The following EPHB1 variants were observed in gnomAD, a reference collection of about 807,000 sequenced individuals.
EPHB1 encodes EPH receptor B1.
Under a neutral mutation model 94.4 loss-of-function variants are expected in EPHB1, and 30 were observed. That is an observed-to-expected ratio of 0.32 (90% confidence interval 0.24 to 0.43). The LOEUF is 0.43. EPHB1 is among the 20% of genes least tolerant of loss of function. The pLI is 1.00. For missense variants in EPHB1, 1,055 were observed against 1,308.3 expected, an observed-to-expected ratio of 0.81 and a Z score of 2.99; for synonymous variants, 522 against 489.1, an observed-to-expected ratio of 1.07 and a Z score of -0.89.
Position 135,255,456 on chromosome 3 carries a change from G to C in EPHB1, c.2847-3556G>C, listed in dbSNP as rs576921559. Among the ~76,000 whole-genome samples the C allele has an allele frequency of 3.5e-5, 5 of 141,624 alleles. No homozygotes were observed. The South Asian group carries it at 1.2e-3, about 35-fold the overall frequency. The allele number at this position is 141,624 out of a possible 152,430, so 92.9% of individuals were successfully genotyped here. Reference sequence around the variant, plus strand: ...GGTTTCAAAGAACATCTTTATTTCTGCCTACATTTCGTTATGTACCCAGTA... The same window carrying C: ...GGTTTCAAAGAACATCTTTATTTCTCCCTACATTTCGTTATGTACCCAGTA... On this transcript the variant is annotated intron_variant, in intron 15 of 15. Transcript: ENST00000398015.
At chr3:135,039,197 T>C (rs1329095722) in intron 3 of EPHB1, among the ~76,000 whole-genome samples, 1 of 150,138 alleles carries the variant, frequency 6.7e-6, no homozygotes, top group African/African-American at 2.5e-5. Flanking sequence ...GAGCTAGACA[T>C]AAAGGTTCTC....
chr3:135,084,293 A>T (rs747064096), intron 3 of EPHB1, among the ~76,000 whole-genome samples: 3 of 152,086 alleles, frequency 2.0e-5, no homozygotes. Flanking sequence ...TCTCCACCTT[A>T]CTTCTGACAT....
intron 1 of EPHB1, among the ~76,000 whole-genome samples, chr3:134,851,756 A>G (rs2280155): frequency 0.55 from 83,284 of 152,118 alleles, 25,625 homozygotes; most frequent in East Asian, 0.8. Context: ...TAGCTATTAA[A>G]TACTCTTTGT....
chr3:135,126,977 A>T (rs1940233551), intron 4 of EPHB1, among the ~76,000 whole-genome samples: 1 of 152,210 alleles, frequency 6.6e-6, no homozygotes, highest in Admixed American at 6.5e-5. Context: ...TAATGACAAT[A>T]CAAATACTAC....
At chr3:135,248,601 TTTTAAAGAGTATC>T (rs1334158325) in intron 14 of EPHB1, 92 bp downstream of exon 14, 1 of 1,329,786 alleles carries the variant, frequency 7.5e-7, no homozygotes, top group African/African-American at 1.5e-5. Flanking sequence ...TGTTCGAATT[TTTTAAAGAGTATC>T]TAGTTGCAGT....
rs1553729687 is a variant in EPHB1 at position 135,076,261 on chromosome 3, A to ATATATATATATATATATG, written c.806-30187_806-30186insTATATATATATATATATG. Among the ~76,000 whole-genome samples, 475 of 112,442 alleles carry ATATATATATATATATATG rather than the reference A, an allele frequency of 4.2e-3. 7 individuals are homozygous for ATATATATATATATATATG. The highest frequency in any genetic ancestry group is 0.017 in the South Asian group (61 of 3,584). 73.8% of individuals were successfully genotyped at this position (112,442 alleles called of 152,430 possible). On this transcript the variant is annotated intron_variant, in intron 3 of 15. Transcript: ENST00000398015. ...TATATATATATATATATATATATAT[A>ATATATATATATATATATG]ACTCTTAAATGCATTAGTAAAAAGT...
At chr3:135,035,850 A>G (rs1266514793) in intron 3 of EPHB1, among the ~76,000 whole-genome samples, 1 of 152,212 alleles carries the variant, frequency 6.6e-6, no homozygotes, top group Non-Finnish European at 1.5e-5. Flanking sequence ...ACATGCCAGC[A>G]CTGCTATACC....
chr3:135,161,140 C>T (rs1941493248), intron 6 of EPHB1, among the ~76,000 whole-genome samples: 1 of 152,132 alleles, frequency 6.6e-6, no homozygotes, highest in South Asian at 2.1e-4. Context: ...GAGAAAAAGT[C>T]ACCTTTTAAG....
At position 135,241,319 on chromosome 3, in the gene EPHB1, T is replaced by C. The variant is rs777492615; in HGVS notation, c.2496+22T>C. ...AGATGTGAGTGTCAGCAGCACTTGG[T>C]CACCACAAACCCCCATTGAAGGGAT... On this transcript the variant is annotated intron_variant, in intron 13 of 15. Coordinates refer to ENST00000398015, the MANE Select transcript of EPHB1 (RefSeq NM_004441.5). The C allele has an allele frequency of 1.2e-5, 19 of 1,613,860 alleles. 2 individuals are homozygous for C. In the South Asian group the frequency reaches 2.1e-4, roughly 18 times the overall value.
chr3:134,910,835 G>C (rs895840922), intron 1 of EPHB1, among the ~76,000 whole-genome samples: 1 of 152,164 alleles, frequency 6.6e-6, no homozygotes, highest in African/African-American at 2.4e-5. Flanking sequence ...GGCCCTTGGT[G>C]GTCCATTGAT....
At chr3:135,194,090 T>G (rs968037945) in intron 11 of EPHB1, among the ~76,000 whole-genome samples, 2 of 152,182 alleles carry the variant, frequency 1.3e-5, no homozygotes, top group African/African-American at 4.8e-5. Context: ...GAATCTGTAT[T>G]ACTTTTGTGA....
At chr3:135,199,413 A>C (rs1035519083) in intron 11 of EPHB1, among the ~76,000 whole-genome samples, 2 of 152,252 alleles carry the variant, frequency 1.3e-5, no homozygotes, top group Non-Finnish European at 1.5e-5. Context: ...GAAGATCTGC[A>C]TCACTCACTG....
chr3:134,867,634 C>A (rs2037407368), intron 1 of EPHB1, among the ~76,000 whole-genome samples: 1 of 152,308 alleles, frequency 6.6e-6, no homozygotes, highest in Admixed American at 6.5e-5. Flanking sequence ...CCAGCTTCAA[C>A]TTGGTGATGG....
intron 15 of EPHB1, among the ~76,000 whole-genome samples, chr3:135,257,895 G>C (rs1933477187): frequency 6.6e-6 from 1 of 151,626 alleles, no homozygotes; most frequent in Admixed American, 6.6e-5. Context: ...TCCGAGCCAG[G>C]TGTGGGATAT....
intron 12 of EPHB1, among the ~76,000 whole-genome samples, chr3:135,233,997 G>A (rs1943593143): frequency 6.6e-6 from 1 of 152,190 alleles, no homozygotes; most frequent in African/African-American, 2.4e-5. Context: ...AGGCCTCCAG[G>A]TCTGTGATGG....
chr3:135,020,307 A>G (rs763436616), intron 3 of EPHB1, among the ~76,000 whole-genome samples: 14 of 152,164 alleles, frequency 9.2e-5, no homozygotes, highest in Non-Finnish European at 1.5e-4. Flanking sequence ...AAAGTGTACA[A>G]TTCAATTCAG....
At chr3:135,237,993 A>G (rs958970136) in intron 12 of EPHB1, among the ~76,000 whole-genome samples, 8 of 152,096 alleles carry the variant, frequency 5.3e-5, no homozygotes, top group African/African-American at 1.9e-4. Flanking sequence ...CCATCCTCTA[A>G]ATTAATAGAT....
chr3:135,004,632 A>G (rs939592681), intron 3 of EPHB1, among the ~76,000 whole-genome samples: 25 of 151,628 alleles, frequency 1.6e-4, no homozygotes, highest in Non-Finnish European at 2.5e-4. Flanking sequence ...ACATAGTCCC[A>G]TATTTCTTGG....
intron 3 of EPHB1, among the ~76,000 whole-genome samples, chr3:135,078,761 G>T (rs1281871608): frequency 6.6e-6 from 1 of 152,312 alleles, no homozygotes; most frequent in Non-Finnish European, 1.5e-5. Context: ...CAGTGACAAA[G>T]GAATCTCAAA....
Sources: gnomAD v4.1 joint callset for allele counts (sites outside exome capture counted in the v4.1 genomes callset) on GRCh38, gnomAD v4.1.1 for gene constraint, MANE v1.5 for transcripts, NCBI Gene and HGNC (gene_info 2026-07-23, HGNC 2026-07-21) for gene names.